The following PARP6 variants were observed in gnomAD, a reference collection of about 807,000 sequenced individuals.
PARP6 encodes protein mono-ADP-ribosyltransferase PARP6.
Under a neutral mutation model 92.0 loss-of-function variants are expected in PARP6, and 27 were observed. That is an observed-to-expected ratio of 0.29 (90% CI 0.22 to 0.40). The LOEUF (loss-of-function observed/expected upper bound fraction) is 0.40, where lower values mean the gene tolerates loss of function less well. PARP6 is among the 10% of genes least tolerant of loss of function. The probability of loss-of-function intolerance (pLI) is 1.00; values close to 1 mark genes in which losing one functional copy is unlikely to be tolerated. For missense variants in PARP6, 501 were observed against 784.5 expected, an observed-to-expected ratio of 0.64 and a Z score of 4.32; for synonymous variants, 272 against 281.2, an observed-to-expected ratio of 0.97 and a Z score of 0.33.
intron 19 of PARP6, 118 bp downstream of exon 19, chr15:72,249,902 A>C (rs1214569365): frequency 2.9e-6 from 2 of 689,232 alleles, no homozygotes; most frequent in Admixed American, 4.2e-5. Flanking sequence ...GGAACTCCAC[A>C]AGACAGGTTA....
In PARP6 at chr15:72,241,677, C is replaced by T; in HGVS notation, c.1791-120G>A. 1 of 831,152 alleles carries T rather than the reference C, an allele frequency of 1.2e-6. No homozygotes were observed. The highest frequency in any genetic ancestry group is 2.0e-6 in the Non-Finnish European group (1 of 503,858). The allele number at this position is 831,152 out of a possible 1,614,324, so 51.5% of individuals were successfully genotyped here. On this transcript the variant is annotated intron_variant, in intron 23 of 23. Coordinates refer to ENST00000569795, the MANE Select transcript of PARP6 (RefSeq NM_001323532.2). The surrounding 1 kb of genome is among the most constrained non-coding windows in gnomAD (Gnocchi z 4.1). The stretch of plus-strand genomic sequence containing the variant: ...TCCCAGAAGTCAAAGCCCTTTCTCA[C>T]TGCTTCATAGTGGAAGATATTCAGC...
At chr15:72,256,879 TCTCA>T (rs1343020307) in intron 13 of PARP6, among the ~76,000 whole-genome samples, 1 of 152,084 alleles carries the variant, frequency 6.6e-6, no homozygotes, top group Non-Finnish European at 1.5e-5. Context: ...TTTCTTTCTC[TCTCA>T]TTCTTTTTTA....
chr15:72,249,695 T>C (rs1433264508), intron 19 of PARP6, among the ~76,000 whole-genome samples: 1 of 152,232 alleles, frequency 6.6e-6, no homozygotes, highest in Non-Finnish European at 1.5e-5. Flanking sequence ...AAGTCTCCCA[T>C]ATCTACTCCT....
rs774199336 is a variant in PARP6 at position 72,265,488 on chromosome 15, G to A, written c.177-15C>T. 3 of 1,591,286 alleles carry A rather than the reference G, an allele frequency of 1.9e-6. No individual in the cohort carries two copies. The highest frequency in any genetic ancestry group is 1.1e-5 in the South Asian group (1 of 90,638). ...TTCCATATTCTCTATAGAGATACAG[G>A]TGACAACAGGTGAGACTCATTAAGG... is the stretch of plus-strand genomic sequence containing the variant. On this transcript the variant is annotated splice_polypyrimidine_tract_variant and intron_variant, in intron 5 of 23. Transcript: ENST00000569795.
At position 72,242,669 on chromosome 15, in the gene PARP6, G is replaced by A. The variant is rs1243788008; in HGVS notation, c.1592C>T (p.Ser531Phe). 6.2e-7 allele frequency: 1 copy of A among 1,612,378 alleles called. No individual in the cohort carries two copies. The highest frequency in any genetic ancestry group is 8.5e-7 in the Non-Finnish European group (1 of 1,178,854). Residue 531 changes from serine to phenylalanine, a missense_variant, in exon 21 of 24, where the codon TCC (serine) becomes TTC (phenylalanine). By Grantham distance (155) the Ser-to-Phe change is radical. Around this residue, in one of 4 missense-constraint regions of PARP6, gnomAD observed 191 missense variants for 399.1 expected, o/e 0.48. Transcript: ENST00000569795. The surrounding 1 kb of genome is among the most constrained non-coding windows in gnomAD (Gnocchi z 4.3). ...GMGKGQHRMP[S>F]KDELVQRYNR... is the part of the protein sequence containing the mutation. Reference sequence around the variant, plus strand: ...GTATCTCTGGACCAGCTCATCCTTGGAGGGCATCCTGTGCTGTCCTTTTCC... The same window carrying A: ...GTATCTCTGGACCAGCTCATCCTTGAAGGGCATCCTGTGCTGTCCTTTTCC...
intron 16 of PARP6, 40 bp from the exon 17 acceptor site, chr15:72,251,295 T>G (rs1303698385): frequency 7.5e-7 from 1 of 1,335,238 alleles, no homozygotes; most frequent in Admixed American, 1.8e-5. Context: ...ATAGAATAAT[T>G]ATGTATTTAA....
chr15:72,242,756 A>G lies in PARP6; in HGVS notation c.1562-57T>C, dbSNP rs139341593. 2,020 of 1,043,696 alleles carry G rather than the reference A, an allele frequency of 1.9e-3. 8 individuals carry two copies. Among genetic ancestry groups the G allele is most frequent in the Non-Finnish European group, 2.7e-3 (1,828 of 682,270 alleles). The allele number at this position is 1,043,696 out of a possible 1,614,324, so 64.7% of individuals were successfully genotyped here. On this transcript the variant is annotated intron_variant, in intron 20 of 23. Coordinates refer to ENST00000569795, the MANE Select transcript of PARP6 (RefSeq NM_001323532.2). This position sits in a 1 kb window ranked among gnomAD's most constrained non-coding sequence, Gnocchi z 4.3. ...TCAAAAATTTACGAAAGTGCCTACT[A>G]TGTCCCAGCACTGAGCTAGATGCTC...
chr15:72,266,023 A>G, intron 4 of PARP6, 32 bp from the exon 5 acceptor site: 1 of 1,370,288 alleles, frequency 7.3e-7, no homozygotes, highest in East Asian at 2.3e-5. Context: ...TGGTGGAGAG[A>G]GGTGGAAAAA....
chr15:72,265,451 C>T lies in PARP6; in HGVS notation c.199G>A (p.Val67Met), dbSNP rs779847488. 41 of 1,613,348 alleles carry T rather than the reference C, an allele frequency of 2.5e-5. No individual in the cohort carries two copies. In the Middle Eastern group the frequency reaches 2.0e-3, roughly 78 times the overall value. ...SIREYGTIDD[V>M]DIDLHINISF... ...ATGTTGATGTGGAGGTCAATGTCCA[C>T]GTCATCGATAGTTCCATATTCTCTA... Residue 67 changes from valine (V) to methionine (M), a missense_variant, in exon 6 of 24, where the codon GTG becomes ATG. This residue lies in a region of PARP6 where 291 missense variants were observed against 352.0 expected (regional missense o/e 0.83). Coordinates refer to ENST00000569795, the MANE Select transcript of PARP6 (RefSeq NM_001323532.2).
At position 72,242,891 on chromosome 15, in the gene PARP6, T is replaced by C. The variant is rs1433762135; in HGVS notation, c.1562-192A>G. The C allele has an allele frequency of 5.2e-6, 3 of 571,586 alleles. No individual in the cohort carries two copies. The highest frequency in any genetic ancestry group is 9.3e-6 in the Non-Finnish European group (3 of 323,138). 35.4% of individuals were successfully genotyped at this position (571,586 alleles called of 1,614,324 possible). A position where few individuals can be genotyped will look rare whatever the true frequency, so the allele number is the denominator to read the frequency against. On this transcript the variant is annotated intron_variant, in intron 20 of 23. Transcript: ENST00000569795. This position sits in a 1 kb window ranked among gnomAD's most constrained non-coding sequence, Gnocchi z 4.3. Reference sequence around the variant, plus strand: ...ATTAACAACACAGCATGGTAAGGGGTTGTGATGCAGATTATAGAGCATGGT... The same window carrying C: ...ATTAACAACACAGCATGGTAAGGGGCTGTGATGCAGATTATAGAGCATGGT...
intron 4 of PARP6, 23 bp downstream of exon 4, chr15:72,266,722 G>T (rs781155195): frequency 9.0e-6 from 14 of 1,554,500 alleles, no homozygotes; most frequent in Non-Finnish European, 1.2e-5. Flanking sequence ...CCAACACGGG[G>T]GTCTTGGGAG....
chr15:72,242,116 G>T lies in PARP6; in HGVS notation c.1705+41C>A. ...TGCCAAAATTACATCAGAAACAAAG[G>T]TTAGAGACCCAGAAAAACAGGACAT... On this transcript the variant is annotated intron_variant, in intron 22 of 23. Transcript: ENST00000569795. This position sits in a 1 kb window ranked among gnomAD's most constrained non-coding sequence, Gnocchi z 4.3. 4 of 1,577,512 alleles carry T rather than the reference G, an allele frequency of 2.5e-6. No homozygotes were observed. The South Asian group carries it at 3.3e-5, about 13-fold the overall frequency.
chr15:72,257,581 A>T lies in PARP6; in HGVS notation c.907-141T>A, dbSNP rs1212632415. On this transcript the variant is annotated intron_variant, in intron 12 of 23. Transcript: ENST00000569795. ...CTATATCAGGAGAAAACTACCAATAAAGTCTTAATTAAAATGCCTTACTGA... is the reference window on the plus strand; with the variant it reads ...CTATATCAGGAGAAAACTACCAATATAGTCTTAATTAAAATGCCTTACTGA... The T allele has an allele frequency of 4.7e-6, 3 of 633,258 alleles. No individual in the cohort carries two copies. In the African/African-American group the frequency reaches 5.5e-5, roughly 12 times the overall value. The allele number at this position is 633,258 out of a possible 1,614,324, so 39.2% of individuals were successfully genotyped here. A position where few individuals can be genotyped will look rare whatever the true frequency, so the allele number is the denominator to read the frequency against.
At chr15:72,247,322 G>A (rs996265699) in intron 20 of PARP6, among the ~76,000 whole-genome samples, 3 of 151,810 alleles carry the variant, frequency 2.0e-5, no homozygotes, top group Admixed American at 6.6e-5. Flanking sequence ...TTACAGGCAC[G>A]CACTGCCAGA....
chr15:72,262,587 C>T (rs935189656), intron 8 of PARP6, among the ~76,000 whole-genome samples: 1 of 152,202 alleles, frequency 6.6e-6, no homozygotes, highest in Non-Finnish European at 1.5e-5. Context: ...ATTTCTCAAC[C>T]CATACTCATT....
chr15:72,247,712 T>A (rs1333457304), intron 20 of PARP6, among the ~76,000 whole-genome samples: 2 of 152,344 alleles, frequency 1.3e-5, no homozygotes, highest in East Asian at 1.9e-4. Flanking sequence ...AGATTTGTTA[T>A]CTTTTTCTAG....
intron 18 of PARP6, 125 bp downstream of exon 18, chr15:72,250,720 C>T: frequency 1.6e-6 from 1 of 638,896 alleles, no homozygotes; most frequent in Non-Finnish European, 2.8e-6. Context: ...ACCACAATAG[C>T]ATTTAGTAAG....
intron 2 of PARP6, among the ~76,000 whole-genome samples, chr15:72,269,230 G>A (rs1324043179): frequency 2.0e-5 from 3 of 152,004 alleles, no homozygotes; most frequent in African/African-American, 4.8e-5. Flanking sequence ...GTGCGATCTC[G>A]GCTCACTGCA....
chr15:72,256,362 G>T, intron 14 of PARP6, 103 bp downstream of exon 14: 1 of 916,724 alleles, frequency 1.1e-6, no homozygotes, highest in Non-Finnish European at 1.5e-6. Context: ...TAAGAATTCT[G>T]TCCCTTATTC....
Sources: allele counts gnomAD v4.1 joint callset (sites outside exome capture counted in the v4.1 genomes callset), GRCh38; gene constraint gnomAD v4.1.1; regional missense constraint gnomAD v4.1.1; non-coding constraint Gnocchi (gnomAD v3.1); transcripts MANE v1.5; gene names NCBI Gene and HGNC (gene_info 2026-07-23, HGNC 2026-07-21).